SGPL1: variants seen among roughly 807,000 people sequenced by gnomAD.
The protein encoded by SGPL1 is sphingosine-1-phosphate lyase 1.
In SGPL1, 37 loss-of-function variants were observed where a neutral mutation model predicts 68.9. That is an observed-to-expected ratio of 0.54 (90% confidence interval 0.41 to 0.71). The LOEUF is 0.71. Ranked by LOEUF, SGPL1 falls within the 30% of genes least tolerant of loss-of-function variation. The pLI is 0.00. For missense variants in SGPL1, 551 were observed against 704.6 expected, an observed-to-expected ratio of 0.78 and a Z score of 2.47; for synonymous variants, 236 against 248.5, an observed-to-expected ratio of 0.95 and a Z score of 0.47.
intron 3 of SGPL1, among the ~76,000 whole-genome samples, chr10:70,846,998 C>G (rs1489584977): frequency 1.3e-5 from 2 of 152,110 alleles, no homozygotes; most frequent in Admixed American, 6.5e-5. Context: ...GGTTCTGATA[C>G]TTATCTGCTT....
At chr10:70,864,771 A>T (rs1482576998) in intron 7 of SGPL1, among the ~76,000 whole-genome samples, 1 of 152,002 alleles carries the variant, frequency 6.6e-6, no homozygotes, top group East Asian at 1.9e-4. Context: ...TTCTCCAGAC[A>T]TTGTTCTTAT....
Position 70,878,224 on chromosome 10 carries a change from C to T in SGPL1, c.*889C>T, listed in dbSNP as rs1846433574. On this transcript the variant is annotated 3_prime_UTR_variant, in exon 15 of 15. Transcript: ENST00000373202. ...CACAGATCGACCAAGCTGCCGTTCC[C>T]TATTCTGCAGGACAGGACTATTCTA... 4 of 152,316 alleles carry T rather than the reference C, an allele frequency of 2.6e-5. 1 individual carries two copies. In the South Asian group the frequency reaches 8.3e-4, roughly 32 times the overall value. The allele number at this position is 152,316 out of a possible 1,614,324, so 9.4% of individuals were successfully genotyped here.
intron 4 of SGPL1, among the ~76,000 whole-genome samples, chr10:70,854,009 T>C (rs2630334): frequency 2.0e-5 from 3 of 152,198 alleles, no homozygotes; most frequent in African/African-American, 4.8e-5. Flanking sequence ...TTCCTAGTTA[T>C]ACCTTTGATT....
chr10:70,850,801 C>CA (rs150335305), intron 3 of SGPL1, among the ~76,000 whole-genome samples: 1 of 143,980 alleles, frequency 6.9e-6, no homozygotes, highest in Non-Finnish European at 1.5e-5. Context: ...ACTTTTTGTG[C>CA]AAAAAAAGGG....
At chr10:70,867,483 A>G (rs1053861408) in intron 7 of SGPL1, among the ~76,000 whole-genome samples, 1 of 152,026 alleles carries the variant, frequency 6.6e-6, no homozygotes, top group African/African-American at 2.4e-5. Flanking sequence ...GAATCGCTTG[A>G]ACCAGGAGGC....
intron 6 of SGPL1, 108 bp downstream of exon 6, chr10:70,857,798 T>C: frequency 1.6e-6 from 1 of 631,766 alleles, no homozygotes; most frequent in Non-Finnish European, 2.7e-6. Context: ...GGAAAGCTTA[T>C]TGGTACAATA....
chr10:70,847,870 A>G (rs1045258144), intron 3 of SGPL1, among the ~76,000 whole-genome samples: 11 of 152,196 alleles, frequency 7.2e-5, no homozygotes, highest in African/African-American at 2.7e-4. Context: ...AGTCTGGACT[A>G]GTGATGAATT....
intron 10 of SGPL1, 103 bp downstream of exon 10, chr10:70,871,249 T>G (rs932010138): frequency 4.9e-5 from 35 of 716,212 alleles, no homozygotes; most frequent in Non-Finnish European, 7.2e-5. Flanking sequence ...TTTTTGTTTT[T>G]GACCACAGTA....
chr10:70,855,710 ACTT>A (rs765848041), intron 5 of SGPL1, among the ~76,000 whole-genome samples: 186 of 152,364 alleles, frequency 1.2e-3, no homozygotes, highest in Admixed American at 4.7e-3. Flanking sequence ...TATTACAAGT[ACTT>A]TTTAAAAAGA....
chr10:70,828,239 A>C (rs1177653055), intron 2 of SGPL1, among the ~76,000 whole-genome samples: 1 of 152,212 alleles, frequency 6.6e-6, no homozygotes, highest in East Asian at 1.9e-4. Context: ...CAAATGTTAA[A>C]TTTCTGTCAT....
chr10:70,849,321 T>G (rs1845839894), intron 3 of SGPL1, among the ~76,000 whole-genome samples: 1 of 152,258 alleles, frequency 6.6e-6, no homozygotes, highest in Admixed American at 6.5e-5. Context: ...GATGAACTAT[T>G]ATAACATTAA....
At chr10:70,833,429 G>A (rs1241731076) in intron 2 of SGPL1, among the ~76,000 whole-genome samples, 1 of 152,140 alleles carries the variant, frequency 6.6e-6, no homozygotes, top group East Asian at 1.9e-4. Context: ...AGTCACTACT[G>A]GTTGCTTGGA....
chr10:70,861,743 G>GGCCGGCCCT (rs1564628252), intron 7 of SGPL1, among the ~76,000 whole-genome samples: 1 of 152,212 alleles, frequency 6.6e-6, no homozygotes, highest in Non-Finnish European at 1.5e-5. Flanking sequence ...CGGAGCAGCC[G>GGCCGGCCCT]GCCGGCCCTG....
intron 2 of SGPL1, among the ~76,000 whole-genome samples, chr10:70,822,524 G>T (rs555194534): frequency 6.6e-6 from 1 of 152,282 alleles, no homozygotes; most frequent in Admixed American, 6.5e-5. Flanking sequence ...TTTCCATAGG[G>T]AATTGATGTG....
rs1407437378 is a variant in SGPL1, at chr10:70,845,721, C to T, written c.193+1083C>T. Among the ~76,000 whole-genome samples, 3 of 151,548 alleles carry T rather than the reference C, an allele frequency of 2.0e-5. No individual in the cohort carries two copies. In the Admixed American group the frequency reaches 2.0e-4, roughly 10 times the overall value. On this transcript the variant is annotated intron_variant, in intron 3 of 14. Coordinates refer to ENST00000373202, the MANE Select transcript of SGPL1 (RefSeq NM_003901.4). ...GGTGAGTGTTGTTAGTACCTAAACACAAGTAGTGGATTTGGTGCTGGATGT... is the reference window on the plus strand; with the variant it reads ...GGTGAGTGTTGTTAGTACCTAAACATAAGTAGTGGATTTGGTGCTGGATGT...
intron 2 of SGPL1, among the ~76,000 whole-genome samples, chr10:70,837,403 G>T (rs909575322): frequency 2.0e-5 from 3 of 152,172 alleles, no homozygotes; most frequent in African/African-American, 7.2e-5. Flanking sequence ...TACTTTTTAA[G>T]TGCTTCACTC....
chr10:70,866,376 G>C (rs1296519495), intron 7 of SGPL1: 2 of 151,674 alleles, frequency 1.3e-5, no homozygotes, highest in African/African-American at 4.9e-5. Context: ...GAAAGATTGA[G>C]ACCCCATCTC....
intron 1 of SGPL1, 143 bp from the exon 2 acceptor site, chr10:70,816,668 G>C (rs1425213953): frequency 1.4e-6 from 1 of 708,188 alleles, no homozygotes. Context: ...TGGGGTGCTA[G>C]GGGTGGACTG....
chr10:70,860,282 C>A, intron 7 of SGPL1: 1 of 432,576 alleles, frequency 2.3e-6, no homozygotes. Context: ...CCTAGAGGTG[C>A]TAATCCTATC....
Sources: gnomAD v4.1 joint callset for allele counts (sites outside exome capture counted in the v4.1 genomes callset) on GRCh38, gnomAD v4.1.1 for gene constraint, MANE v1.5 for transcripts, NCBI Gene and HGNC (gene_info 2026-07-23, HGNC 2026-07-21) for gene names.